The following SLC30A8 variants were observed in gnomAD, a reference collection of about 807,000 sequenced individuals.
The protein encoded by SLC30A8 is proton-coupled zinc antiporter SLC30A8.
A neutral mutation model predicts 36.9 loss-of-function variants in SLC30A8; 27 were observed. That is an observed-to-expected ratio of 0.73 (90% CI 0.54 to 1.01). The LOEUF is 1.01. Ranked by LOEUF, SLC30A8 falls within the 50% of genes least tolerant of loss-of-function variation. SLC30A8 has a pLI of 0.00. For synonymous variants in SLC30A8, 164 were observed against 172.4 expected (o/e 0.95, Z 0.38); for missense variants, 439 against 452.0 (o/e 0.97, Z 0.26).
At chr8:116,991,127 T>A (rs1815626188) in intron 1 of SLC30A8, among the ~76,000 whole-genome samples, 1 of 152,162 alleles carries the variant, frequency 6.6e-6, no homozygotes. Flanking sequence ...TAGAAGAATT[T>A]TTCCTCCTTC....
chr8:117,115,368 T>C lies in SLC30A8; in HGVS notation c.-225-19912T>C, dbSNP rs940517269. Among the ~76,000 whole-genome samples, 128 of 152,070 alleles carry C rather than the reference T, an allele frequency of 8.4e-4. 1 individual carries two copies. The highest frequency in any genetic ancestry group is 4.6e-4 in the Admixed American group (7 of 15,240). On this transcript the variant is annotated intron_variant, in intron 2 of 10. Coordinates refer to the SLC30A8 transcript ENST00000427715. The stretch of plus-strand genomic sequence containing the variant: ...TCCCTGTCTGCCATTTTGATCCTCT[T>C]TTCTCCCATCAATCTTCTAATTTTC...
intron 2 of SLC30A8, among the ~76,000 whole-genome samples, chr8:117,040,205 A>G (rs1817340092): frequency 6.6e-6 from 1 of 152,216 alleles, no homozygotes; most frequent in South Asian, 2.1e-4. Context: ...CTTCTCATAC[A>G]AGAGAAGGAA....
At chr8:117,001,173 C>T (rs1004938111) in intron 1 of SLC30A8, among the ~76,000 whole-genome samples, 1 of 143,170 alleles carries the variant, frequency 7.0e-6, no homozygotes, top group Non-Finnish European at 1.5e-5. Flanking sequence ...CAATTTGAAC[C>T]AATAACGTAG....
chr8:117,136,528 G>C (rs1229379833), intron 1 of SLC30A8, among the ~76,000 whole-genome samples: 1 of 151,960 alleles, frequency 6.6e-6, no homozygotes, highest in Non-Finnish European at 1.5e-5. Flanking sequence ...AAATATTTTA[G>C]TAACAGCAAA....
intron 3 of SLC30A8, among the ~76,000 whole-genome samples, chr8:117,157,357 A>C (rs957481641): frequency 6.6e-5 from 10 of 152,148 alleles, no homozygotes; most frequent in African/African-American, 2.4e-4. Context: ...CCTCCTAATA[A>C]GTTTCAATCA....
intron 1 of SLC30A8, among the ~76,000 whole-genome samples, chr8:116,953,317 TTA>T (rs1234769642): frequency 6.6e-6 from 1 of 152,168 alleles, no homozygotes; most frequent in African/African-American, 2.4e-5. Context: ...AAGGAGAATT[TTA>T]TATCTCTTAT....
chr8:116,987,642 A>G (rs1031293518), intron 1 of SLC30A8, among the ~76,000 whole-genome samples: 8 of 151,868 alleles, frequency 5.3e-5, no homozygotes, highest in African/African-American at 1.9e-4. Flanking sequence ...AAAAAAATCC[A>G]TAGCCTGTGA....
At chr8:116,959,775 G>A (rs989488759) in intron 1 of SLC30A8, among the ~76,000 whole-genome samples, 3 of 152,130 alleles carry the variant, frequency 2.0e-5, no homozygotes, top group African/African-American at 7.2e-5. Flanking sequence ...GGAGACAGGC[G>A]CTATTCCCAG....
intron 1 of SLC30A8, among the ~76,000 whole-genome samples, chr8:117,003,172 T>C (rs1816070102): frequency 6.6e-6 from 1 of 152,192 alleles, no homozygotes; most frequent in Admixed American, 6.5e-5. Flanking sequence ...CTACAGTAAA[T>C]GTAAAACTCA....
chr8:117,008,788 G>A (rs780722961), intron 1 of SLC30A8, among the ~76,000 whole-genome samples: 5 of 152,150 alleles, frequency 3.3e-5, no homozygotes, highest in Non-Finnish European at 7.3e-5. Context: ...CAGCCCCAGA[G>A]CCTAGCCTGA....
chr8:116,994,593 C>G (rs866501843), intron 1 of SLC30A8, among the ~76,000 whole-genome samples: 1 of 152,056 alleles, frequency 6.6e-6, no homozygotes, highest in African/African-American at 2.4e-5. Flanking sequence ...TAATCTATGC[C>G]GATTCAAACA....
At chr8:117,043,628 T>C (rs1742304035) in intron 2 of SLC30A8, among the ~76,000 whole-genome samples, 1 of 152,222 alleles carries the variant, frequency 6.6e-6, no homozygotes, top group Admixed American at 6.5e-5. Flanking sequence ...CACCAGACAC[T>C]TTTCCCCCAT....
intron 1 of SLC30A8, chr8:117,146,725 A>G (rs112597574): frequency 6.4e-6 from 6 of 932,474 alleles, no homozygotes; most frequent in Non-Finnish European, 8.9e-6. Context: ...CATTGACTGA[A>G]TAAGAGTTTG....
At position 117,161,905 on chromosome 8, in the gene SLC30A8, C is replaced by CCA. The variant is rs1190182562; in HGVS notation, c.723+19_723+20dup. 6.2e-7 allele frequency: 1 copy of CCA among 1,606,582 alleles called. No individual in the cohort carries two copies. Among genetic ancestry groups the CCA allele is most frequent in the Non-Finnish European group, 8.5e-7 (1 of 1,174,884 alleles). Reference sequence around the variant, plus strand: ...TACTTTAAGGTGAGTTTGAGTTTACCCACCATCCTAGTACTTATGTAGATT... The same window carrying CCA: ...TACTTTAAGGTGAGTTTGAGTTTACCCACACCATCCTAGTACTTATGTAGATT... On this transcript the variant is annotated intron_variant, in intron 5 of 7. Transcript: ENST00000456015.
intron 3 of SLC30A8, among the ~76,000 whole-genome samples, chr8:117,153,581 G>A (rs1024969011): frequency 1.2e-4 from 18 of 152,120 alleles, no homozygotes; most frequent in African/African-American, 2.9e-4. Flanking sequence ...TATCTTGCTC[G>A]CTCAATCAAC....
At chr8:117,125,805 A>T (rs2130911190) in intron 2 of SLC30A8, among the ~76,000 whole-genome samples, 1 of 152,172 alleles carries the variant, frequency 6.6e-6, no homozygotes, top group East Asian at 1.9e-4. Context: ...TATATACAGT[A>T]CAAATGTACT....
At chr8:117,075,253 T>C (rs1003247829) in intron 2 of SLC30A8, among the ~76,000 whole-genome samples, 1 of 152,202 alleles carries the variant, frequency 6.6e-6, no homozygotes, top group African/African-American at 2.4e-5. Context: ...ACTATGTCTT[T>C]CTGGTTAGGA....
intron 1 of SLC30A8, among the ~76,000 whole-genome samples, chr8:117,144,340 CACAT>C (rs1451524486): frequency 6.6e-6 from 1 of 152,156 alleles, no homozygotes; most frequent in African/African-American, 2.4e-5. Flanking sequence ...GAGTGCTATT[CACAT>C]AACTGATAAA....
At chr8:116,956,244 CTT>C (rs1055647854) in intron 1 of SLC30A8, among the ~76,000 whole-genome samples, 1 of 152,008 alleles carries the variant, frequency 6.6e-6, no homozygotes, top group African/African-American at 2.4e-5. Flanking sequence ...AGATTAAAGA[CTT>C]AAGGTGACTG....
Sources: allele counts gnomAD v4.1 joint callset (sites outside exome capture counted in the v4.1 genomes callset), GRCh38; gene constraint gnomAD v4.1.1; transcripts MANE v1.5; gene names NCBI Gene and HGNC (gene_info 2026-07-23, HGNC 2026-07-21).